Variants in TRMT11 observed in about 807,000 individuals in gnomAD.
The protein encoded by TRMT11 is tRNA methyltransferase 11.
TRMT11 carries 53 observed loss-of-function variants against 62.8 expected under a neutral mutation model. The observed-to-expected ratio is 0.84, with a 90% CI of 0.68 to 1.06. TRMT11 has a LOEUF of 1.06. TRMT11 is among the 50% of genes least tolerant of loss of function. The pLI is 0.00. For synonymous variants in TRMT11, 188 were observed against 190.3 expected (o/e 0.99, Z 0.10); for missense variants, 556 against 553.4 (o/e 1.00, Z -0.05).
intron 1 of TRMT11, among the ~76,000 whole-genome samples, chr6:126,191,068 A>G (rs561104703): frequency 6.6e-6 from 1 of 152,230 alleles, no homozygotes; most frequent in South Asian, 2.1e-4. Context: ...CTGTATGACC[A>G]TTAACTTTTC....
rs145963759 is a variant in TRMT11 at position 126,093,631 on chromosome 6, A to ATTTTTTTTTTT, written c.*1438-19231_*1438-19230insTTTTTTTTTTT. On this transcript the variant is annotated intron_variant and NMD_transcript_variant, in intron 17 of 22. Transcript: ENST00000648977. ...TATATATATATATATATATATATAT[A>ATTTTTTTTTTT]TTTTCCCCCAGTCCTGGAGGATCAA... 8.4e-4 allele frequency among the ~76,000 whole-genome samples: 82 copies of ATTTTTTTTTTT among 98,010 alleles called. 7 individuals are homozygous for ATTTTTTTTTTT. Among genetic ancestry groups the ATTTTTTTTTTT allele is most frequent in the African/African-American group, 3.2e-3 (74 of 22,922 alleles). The allele number at this position is 98,010 out of a possible 152,430, so 64.3% of individuals were successfully genotyped here.
chr6:126,260,802 G>A, the TRMT11 span, among the ~76,000 whole-genome samples: 34 of 152,216 alleles, frequency 2.2e-4, no homozygotes, highest in South Asian at 1.0e-3. Context: ...ATAGTCTCAC[G>A]GAGATCCCCT....
At chr6:126,050,772 C>T (rs73773348) in intron 16 of TRMT11, among the ~76,000 whole-genome samples, 5,295 of 151,976 alleles carry the variant, frequency 0.035, 300 homozygotes, top group African/African-American at 0.12. Context: ...AATAAACAGT[C>T]CATGTGAGAA....
intron 1 of TRMT11, among the ~76,000 whole-genome samples, chr6:126,196,421 G>A (rs1365289785): frequency 3.3e-5 from 5 of 151,668 alleles, no homozygotes; most frequent in African/African-American, 1.2e-4. Flanking sequence ...CCTTAATTGG[G>A]GCATCAAAAT....
chr6:126,048,013 T>C lies in TRMT11; in HGVS notation c.*1370-5110T>C, dbSNP rs147446905. ...CAACAGACCTACCCTCAATGACATC[T>C]TGGATTTACATGAAAAAGTGGCAGC... On this transcript the variant is annotated intron_variant and NMD_transcript_variant, in intron 16 of 22. Coordinates refer to the TRMT11 transcript ENST00000648977. Among the ~76,000 whole-genome samples, 67 of 152,354 alleles carry C rather than the reference T, an allele frequency of 4.4e-4. No homozygotes were observed. In the East Asian group the frequency reaches 0.012, roughly 28 times the overall value.
intron 17 of TRMT11, among the ~76,000 whole-genome samples, chr6:126,093,737 A>C (rs1430549193): frequency 6.6e-6 from 1 of 150,618 alleles, no homozygotes; most frequent in African/African-American, 2.4e-5. Flanking sequence ...TAACACAGTA[A>C]GTGGGAGAGT....
chr6:126,043,029 A>G (rs925221449), downstream of TRMT11, among the ~76,000 whole-genome samples: 18 of 151,652 alleles, frequency 1.2e-4, no homozygotes, highest in Non-Finnish European at 1.5e-4. Flanking sequence ...GCATTTTTCC[A>G]TTTTTCTTTT....
chr6:126,145,158 T>C (rs981902672), intron 21 of TRMT11, among the ~76,000 whole-genome samples: 6 of 152,142 alleles, frequency 3.9e-5, no homozygotes, highest in African/African-American at 1.4e-4. Context: ...AAGAAATGGT[T>C]TGATAAGGTC....
chr6:126,063,455 G>A (rs1196835444), intron 17 of TRMT11, among the ~76,000 whole-genome samples: 5 of 152,158 alleles, frequency 3.3e-5, no homozygotes, highest in Admixed American at 1.3e-4. Flanking sequence ...TTAAGAAAAC[G>A]TTTCTGTAAC....
At chr6:126,164,496 TG>T (rs1778235184) in intron 21 of TRMT11, among the ~76,000 whole-genome samples, 1 of 152,244 alleles carries the variant, frequency 6.6e-6, no homozygotes. Flanking sequence ...TAGGTCCACT[TG>T]ATCCAGAGCT....
chr6:125,999,814 A>G (rs764160979), intron 7 of TRMT11, among the ~76,000 whole-genome samples: 2 of 152,140 alleles, frequency 1.3e-5, no homozygotes, highest in Admixed American at 6.6e-5. Context: ...ATAGAATTGT[A>G]TGGGTTTTAT....
At chr6:126,192,755 A>G (rs963416276) in intron 1 of TRMT11, among the ~76,000 whole-genome samples, 76 of 152,024 alleles carry the variant, frequency 5.0e-4, no homozygotes, top group African/African-American at 1.8e-3. Context: ...TATTGATTTG[A>G]TTATGTTGAA....
At chr6:125,986,817 A>C in intron 1 of TRMT11, 195 bp downstream of exon 1, 1 of 564,748 alleles carries the variant, frequency 1.8e-6, no homozygotes, top group East Asian at 3.0e-5. Context: ...CCGAGACCAA[A>C]CCCCTCGGCC....
chr6:126,180,671 A>C (rs1369582448), intron 1 of TRMT11, among the ~76,000 whole-genome samples: 1 of 152,242 alleles, frequency 6.6e-6, no homozygotes, highest in Non-Finnish European at 1.5e-5. Context: ...ATGAGTTACT[A>C]TCTATTTTTC....
At chr6:126,110,171 A>G (rs779255052) in intron 17 of TRMT11, among the ~76,000 whole-genome samples, 2 of 152,104 alleles carry the variant, frequency 1.3e-5, no homozygotes, top group African/African-American at 2.4e-5. Flanking sequence ...TACCCACCTT[A>G]TCTGCTATGG....
At chr6:126,228,967 A>AT in the TRMT11 span, among the ~76,000 whole-genome samples, 1 of 152,164 alleles carries the variant, frequency 6.6e-6, no homozygotes, top group African/African-American at 2.4e-5. Flanking sequence ...AATGGCTATT[A>AT]TAGTAAAAAA....
At chr6:126,067,074 A>G (rs1554233943) in intron 17 of TRMT11, among the ~76,000 whole-genome samples, 1 of 152,116 alleles carries the variant, frequency 6.6e-6, no homozygotes, top group Non-Finnish European at 1.5e-5. Context: ...ATAAAAATAC[A>G]AAAGTTAGCC....
At chr6:125,993,127 C>G (rs933969958) in intron 1 of TRMT11, among the ~76,000 whole-genome samples, 4 of 152,012 alleles carry the variant, frequency 2.6e-5, no homozygotes, top group Middle Eastern at 3.2e-3. Flanking sequence ...TGTGATTCTA[C>G]CTGTTTTATG....
chr6:126,037,952 G>A (rs1346013664), intron 12 of TRMT11, among the ~76,000 whole-genome samples: 1 of 151,954 alleles, frequency 6.6e-6, no homozygotes, highest in Non-Finnish European at 1.5e-5. Context: ...ATTTATAGAA[G>A]CACATGGGAA....
Sources: gnomAD v4.1 joint callset for allele counts (sites outside exome capture counted in the v4.1 genomes callset) on GRCh38, gnomAD v4.1.1 for gene constraint, MANE v1.5 for transcripts, NCBI Gene and HGNC (gene_info 2026-07-23, HGNC 2026-07-21) for gene names.